IDE: variants seen among roughly 807,000 people sequenced by gnomAD.
IDE encodes insulin-degrading enzyme.
In IDE, 58 loss-of-function variants were observed where a neutral mutation model predicts 133.2. That is an observed-to-expected ratio of 0.44 (90% confidence interval 0.35 to 0.54). IDE has a LOEUF of 0.54. IDE is among the 20% of genes least tolerant of loss of function. The probability of loss-of-function intolerance (pLI) is 0.00; values close to 1 mark genes in which losing one functional copy is unlikely to be tolerated. For missense variants in IDE, 981 were observed against 1,234.0 expected (o/e 0.79, Z 3.07); for synonymous variants, 396 against 421.3 (o/e 0.94, Z 0.73).
chr10:92,455,478 T>G, intron 24 of IDE, 98 bp downstream of exon 24: 1 of 782,148 alleles, frequency 1.3e-6, no homozygotes, highest in Non-Finnish European at 2.2e-6. Flanking sequence ...GAGACTCCAT[T>G]TCAAAAACAA....
chr10:92,560,046 T>TA (rs1307708414), intron 1 of IDE, among the ~76,000 whole-genome samples: 2 of 152,038 alleles, frequency 1.3e-5, no homozygotes, highest in Non-Finnish European at 2.9e-5. Flanking sequence ...GGGAAAGAGT[T>TA]AAACTCTAGT....
At chr10:92,465,416 C>G (rs1845627691) in intron 20 of IDE, among the ~76,000 whole-genome samples, 1 of 152,150 alleles carries the variant, frequency 6.6e-6, no homozygotes, top group African/African-American at 2.4e-5. Context: ...CCTTAGTATC[C>G]TTTTCCCCCA....
rs559280500 is a variant in IDE, at chr10:92,560,714, C to T, written c.98+13208G>A. On this transcript the variant is annotated intron_variant, in intron 1 of 24. Coordinates refer to ENST00000265986, the MANE Select transcript of IDE (RefSeq NM_004969.4). ...AGAAGAATCACTTGAACCCAGGAGG[C>T]GGAGGTTGCAGTGAGCCAAGATGGA... 1.3e-4 allele frequency among the ~76,000 whole-genome samples: 19 copies of T among 151,666 alleles called. No homozygotes were observed. The South Asian group carries it at 3.3e-3, about 27-fold the overall frequency.
intron 22 of IDE, among the ~76,000 whole-genome samples, chr10:92,460,482 G>A (rs547487833): frequency 1.2e-3 from 188 of 152,280 alleles, no homozygotes; most frequent in Non-Finnish European, 2.2e-3. Context: ...TGGAAGTCAG[G>A]AAGGGCTGTC....
At chr10:92,502,092 T>C (rs1848056176) in intron 11 of IDE, among the ~76,000 whole-genome samples, 1 of 151,978 alleles carries the variant, frequency 6.6e-6, no homozygotes, top group African/African-American at 2.4e-5. Context: ...CAGTGAGCTA[T>C]GATCCCGCCA....
intron 4 of IDE, among the ~76,000 whole-genome samples, chr10:92,521,314 T>C (rs1849214248): frequency 1.3e-5 from 2 of 152,014 alleles, no homozygotes; most frequent in African/African-American, 4.8e-5. Context: ...AACACAAATT[T>C]GATCAAGCCT....
intron 1 of IDE, among the ~76,000 whole-genome samples, chr10:92,551,742 T>C (rs1842794315): frequency 6.6e-6 from 1 of 151,236 alleles, no homozygotes; most frequent in Non-Finnish European, 1.5e-5. Context: ...GGGTACAGAG[T>C]TTCAGTTTGG....
chr10:92,479,495 C>A, intron 14 of IDE, 74 bp from the exon 15 acceptor site: 1 of 1,122,746 alleles, frequency 8.9e-7, no homozygotes, highest in Admixed American at 1.8e-5. Context: ...TGAGATGGAT[C>A]AAGATATTGA....
chr10:92,477,619 C>G (rs1846346751), intron 15 of IDE, among the ~76,000 whole-genome samples: 1 of 152,190 alleles, frequency 6.6e-6, no homozygotes, highest in Admixed American at 6.5e-5. Context: ...GGATGATAGG[C>G]AAGAACCTCA....
chr10:92,479,565 G>A, intron 14 of IDE, 144 bp from the exon 15 acceptor site: 1 of 635,818 alleles, frequency 1.6e-6, no homozygotes, highest in Non-Finnish European at 2.7e-6. Flanking sequence ...TTTCTTATGA[G>A]GAAAAAAAAG....
chr10:92,561,471 G>A (rs749095567), intron 1 of IDE, among the ~76,000 whole-genome samples: 3 of 151,370 alleles, frequency 2.0e-5, no homozygotes, highest in Non-Finnish European at 4.4e-5. Context: ...GATGATGTAA[G>A]CTGGGCGTGG....
rs1292760603 is a variant in IDE at position 92,455,500 on chromosome 10, CA to C, written c.2964+75del. 2.7e-5 allele frequency: 26 copies of C among 967,502 alleles called. 1 individual carries two copies. Among genetic ancestry groups the C allele is most frequent in the Middle Eastern group, 3.0e-4 (1 of 3,386 alleles). The allele number at this position is 967,502 out of a possible 1,614,324, so 59.9% of individuals were successfully genotyped here. A position where few individuals can be genotyped will look rare whatever the true frequency, so the allele number is the denominator to read the frequency against. ...CATTTCAAAAACAAAAAACAAAAAA[CA>C]AAAAAAACCAAGCTGCTTCTTCTAA... On this transcript the variant is annotated intron_variant, in intron 24 of 24. Transcript: ENST00000265986.
intron 4 of IDE, among the ~76,000 whole-genome samples, chr10:92,527,658 C>A (rs1487736619): frequency 6.6e-6 from 1 of 152,160 alleles, no homozygotes; most frequent in East Asian, 1.9e-4. Context: ...GAATATTTTA[C>A]AGCTTTGTTA....
intron 1 of IDE, among the ~76,000 whole-genome samples, chr10:92,566,440 A>C (rs901033858): frequency 7.1e-6 from 1 of 141,628 alleles, no homozygotes; most frequent in Non-Finnish European, 1.6e-5. Flanking sequence ...CACACACACA[A>C]CATAGGCAAA....
chr10:92,564,322 G>C (rs1458447531), intron 1 of IDE, among the ~76,000 whole-genome samples: 1 of 152,114 alleles, frequency 6.6e-6, no homozygotes, highest in African/African-American at 2.4e-5. Context: ...CTGAAGGATA[G>C]TCTCCAAGGA....
chr10:92,489,894 C>T (rs746953448), intron 12 of IDE, among the ~76,000 whole-genome samples: 5 of 152,104 alleles, frequency 3.3e-5, no homozygotes, highest in Admixed American at 6.6e-5. Flanking sequence ...GTCTCAAAGG[C>T]ACATAGCCAA....
At position 92,561,051 on chromosome 10, in the gene IDE, G is replaced by A. The variant is rs569704819; in HGVS notation, c.98+12871C>T. ...ATGGATCACCTGAGGTCAGGAGTTC[G>A]AGACCAGCTTGGCCAACATGGTGAA... On this transcript the variant is annotated intron_variant, in intron 1 of 24. Coordinates refer to ENST00000265986, the MANE Select transcript of IDE (RefSeq NM_004969.4). Among the ~76,000 whole-genome samples the A allele has an allele frequency of 5.3e-5, 8 of 151,466 alleles. No individual in the cohort carries two copies. The East Asian group carries it at 1.2e-3, about 23-fold the overall frequency.
At chr10:92,503,787 C>T (rs574485885) in intron 11 of IDE, among the ~76,000 whole-genome samples, 7 of 150,686 alleles carry the variant, frequency 4.6e-5, no homozygotes, top group Non-Finnish European at 1.0e-4. Flanking sequence ...GCCATGATCT[C>T]GGCTCACAGC....
intron 1 of IDE, among the ~76,000 whole-genome samples, chr10:92,557,918 A>G (rs1843093449): frequency 1.3e-5 from 2 of 151,708 alleles, no homozygotes; most frequent in South Asian, 4.2e-4. Flanking sequence ...TCAATGAGGA[A>G]GGACTAGTCT....
Sources: gnomAD v4.1 joint callset for allele counts (sites outside exome capture counted in the v4.1 genomes callset) on GRCh38, gnomAD v4.1.1 for gene constraint, MANE v1.5 for transcripts, NCBI Gene and HGNC (gene_info 2026-07-23, HGNC 2026-07-21) for gene names.